Variants in MANBA observed in about 807,000 individuals in gnomAD.
The protein encoded by MANBA is mannosidase beta.
A neutral mutation model predicts 111.1 loss-of-function variants in MANBA; 83 were observed. That is an observed-to-expected ratio of 0.75 (90% CI 0.63 to 0.90). The LOEUF (loss-of-function observed/expected upper bound fraction) is 0.90. Ranked by LOEUF, MANBA falls within the 40% of genes least tolerant of loss-of-function variation. The probability of loss-of-function intolerance (pLI) is 0.00; values close to 1 mark genes in which losing one functional copy is unlikely to be tolerated. For missense variants in MANBA, 1,036 were observed against 1,069.0 expected, an observed-to-expected ratio of 0.97 and a Z score of 0.43; for synonymous variants, 370 against 378.7, an observed-to-expected ratio of 0.98 and a Z score of 0.27.
chr4:102,722,409 A>G (rs1358929437), intron 4 of MANBA: 2 of 189,032 alleles, frequency 1.1e-5, no homozygotes, highest in East Asian at 2.7e-4. Context: ...TACTCTAAGA[A>G]AAATAATTAC....
chr4:102,706,097 C>T (rs1184334276), intron 5 of MANBA, among the ~76,000 whole-genome samples: 1 of 152,286 alleles, frequency 6.6e-6, no homozygotes. Context: ...CAGTGGTCTA[C>T]CACTGCCACT....
In MANBA at chr4:102,723,949, A is replaced by G; in HGVS notation, c.291T>C (p.Asn97=). ...CCGTATCCACTCCCTCAAGAATCAA[A>G]TTTACTTTTTGCCATTTGCTAAAAA... ...PFEISKWQKV[N]LILEGVDTVS... The change falls in exon 3 of 17, where the codon AAT becomes AAC. Residue 97 remains asparagine (N), a synonymous_variant. Transcript: ENST00000647097. 6.2e-7 allele frequency: 1 copy of G among 1,609,054 alleles called. No homozygotes were observed. Among genetic ancestry groups the G allele is most frequent in the Admixed American group, 1.7e-5 (1 of 59,894 alleles).
intron 8 of MANBA, chr4:102,672,006 T>C: frequency 2.5e-6 from 1 of 399,086 alleles, no homozygotes. Context: ...ACGGCAGGCT[T>C]ACCAATTGGC....
At chr4:102,715,077 C>G (rs1722267982) in intron 4 of MANBA, among the ~76,000 whole-genome samples, 2 of 152,234 alleles carry the variant, frequency 1.3e-5, no homozygotes, top group Admixed American at 1.3e-4. Context: ...AGGTGGCCCA[C>G]AATGATCCCC....
intron 9 of MANBA, among the ~76,000 whole-genome samples, chr4:102,669,617 G>A (rs544087255): frequency 3.3e-5 from 5 of 152,290 alleles, no homozygotes; most frequent in Admixed American, 1.3e-4. Flanking sequence ...GCTGAGGCGG[G>A]GCGTATCACC....
intron 13 of MANBA, among the ~76,000 whole-genome samples, chr4:102,640,105 A>G (rs1335585707): frequency 1.3e-5 from 2 of 152,126 alleles, no homozygotes; most frequent in Non-Finnish European, 2.9e-5. Context: ...TATGGTGACA[A>G]TGGAAATAGG....
chr4:102,735,430 G>T (rs1162832484), intron 1 of MANBA, among the ~76,000 whole-genome samples: 1 of 141,848 alleles, frequency 7.0e-6, no homozygotes, highest in African/African-American at 2.6e-5. Context: ...GTTCCTGGGG[G>T]AAATGTGGCG....
chr4:102,723,884 G>C lies in MANBA; in HGVS notation c.356C>G (p.Thr119Arg), dbSNP rs770112999. ...TACATATCTATTGAACATATTGTCT[G>C]TTTCCCCAATAGTGACTTCATTGAA... ...ILFNEVTIGE[T>R]DNMFNRYSFD... Residue 119 changes from threonine to arginine, a missense_variant, in exon 3 of 17, where the codon ACA (threonine) becomes AGA (arginine). Thr to Arg is a moderately conservative substitution (Grantham distance 71). Transcript: ENST00000647097. 2 of 1,596,770 alleles carry C rather than the reference G, an allele frequency of 1.3e-6. No homozygotes were observed. The highest frequency in any genetic ancestry group is 2.2e-5 in the South Asian group (2 of 90,538).
chr4:102,702,616 G>A (rs953228622), intron 5 of MANBA, among the ~76,000 whole-genome samples: 3 of 151,992 alleles, frequency 2.0e-5, no homozygotes, highest in Non-Finnish European at 4.4e-5. Flanking sequence ...GTTTGCTAGA[G>A]GTCCACTCCA....
chr4:102,726,286 C>T (rs369956967), intron 2 of MANBA, among the ~76,000 whole-genome samples: 3 of 152,252 alleles, frequency 2.0e-5, no homozygotes, highest in African/African-American at 7.2e-5. Context: ...AGGTCATAGT[C>T]TCAATGGCTG....
At chr4:102,703,713 C>T (rs111244780) in intron 5 of MANBA, among the ~76,000 whole-genome samples, 2,450 of 152,228 alleles carry the variant, frequency 0.016, 33 homozygotes, top group African/African-American at 0.037. Flanking sequence ...GCAAGAAAAC[C>T]TTACTTCGTT....
At chr4:102,632,356 A>C in intron 16 of MANBA, 75 bp from the exon 17 acceptor site, 1 of 1,193,220 alleles carries the variant, frequency 8.4e-7, no homozygotes, top group Non-Finnish European at 1.2e-6. Flanking sequence ...AGTTCCTGTA[A>C]ACATTTATGT....
chr4:102,661,333 T>C (rs1560755458), intron 11 of MANBA, among the ~76,000 whole-genome samples: 1 of 152,200 alleles, frequency 6.6e-6, no homozygotes, highest in Non-Finnish European at 1.5e-5. Flanking sequence ...TTTTTTTAAC[T>C]GCCCAAGGTC....
At chr4:102,754,563 A>T (rs182732362) in intron 1 of MANBA, among the ~76,000 whole-genome samples, 2,118 of 147,530 alleles carry the variant, frequency 0.014, 24 homozygotes, top group African/African-American at 0.037. Context: ...TTATTTATTT[A>T]TTTTTTTTTT....
At chr4:102,720,657 C>T (rs1331191933) in intron 4 of MANBA, among the ~76,000 whole-genome samples, 1 of 151,204 alleles carries the variant, frequency 6.6e-6, no homozygotes, top group Non-Finnish European at 1.5e-5. Context: ...AGCATTTAAA[C>T]CACTGTGTCA....
At chr4:102,720,730 A>C (rs554274026) in intron 4 of MANBA, among the ~76,000 whole-genome samples, 1 of 152,352 alleles carries the variant, frequency 6.6e-6, no homozygotes, top group Admixed American at 6.5e-5. Context: ...GCAGACAAAT[A>C]TTCCATGGAA....
chr4:102,709,283 A>AAAGG (rs141516317), intron 5 of MANBA, among the ~76,000 whole-genome samples: 15 of 127,554 alleles, frequency 1.2e-4, no homozygotes, highest in South Asian at 2.6e-4. Context: ...GAAAAGAAAG[A>AAAGG]AAGGAAGGAA....
At chr4:102,717,634 TC>T (rs1047818709) in intron 4 of MANBA, among the ~76,000 whole-genome samples, 17 of 152,092 alleles carry the variant, frequency 1.1e-4, no homozygotes. Flanking sequence ...ACTCAAGTGA[TC>T]CACCTGCCTT....
At chr4:102,699,338 A>G (rs1225023454) in intron 5 of MANBA, among the ~76,000 whole-genome samples, 3,729 of 150,760 alleles carry the variant, frequency 0.025, 99 homozygotes, top group African/African-American at 0.07. Context: ...TCCTAATTGA[A>G]TACCCTTTAT....
Sources: allele counts gnomAD v4.1 joint callset (sites outside exome capture counted in the v4.1 genomes callset), GRCh38; gene constraint gnomAD v4.1.1; transcripts MANE v1.5; gene names NCBI Gene and HGNC (gene_info 2026-07-23, HGNC 2026-07-21).